Variants in COL24A1 observed in about 807,000 individuals in gnomAD.
COL24A1 encodes the protein collagen alpha-1(XXIV) chain.
In COL24A1, 224 loss-of-function variants were observed where a neutral mutation model predicts 253.9. The observed-to-expected ratio is 0.88, with a 90% CI of 0.79 to 0.99. The LOEUF (loss-of-function observed/expected upper bound fraction) is 0.99, where lower values mean the gene tolerates loss of function less well. Among genes scored for constraint, COL24A1 ranks in the 50% least tolerant of loss-of-function variants. The probability of loss-of-function intolerance (pLI) is 0.00; values close to 1 mark genes in which losing one functional copy is unlikely to be tolerated. For synonymous variants in COL24A1, 685 were observed against 673.7 expected, an observed-to-expected ratio of 1.02 and a Z score of -0.26; for missense variants, 2,131 against 2,068.5, an observed-to-expected ratio of 1.03 and a Z score of -0.59.
At chr1:86,081,987 TATATTC>T (rs1222123532) in intron 7 of COL24A1, among the ~76,000 whole-genome samples, 1 of 152,180 alleles carries the variant, frequency 6.6e-6, no homozygotes, top group Non-Finnish European at 1.5e-5. Flanking sequence ...GGGAAGAACT[TATATTC>T]ATGGGGATAA....
Position 85,971,363 on chromosome 1 carries a change from G to T in COL24A1, c.2395C>A (p.Pro799Thr). 6.2e-7 allele frequency: 1 copy of T among 1,612,616 alleles called. No individual in the cohort carries two copies. ...ACCTGAGTTCCTTTGAGACCAGGAG[G>T]TCCAGGAGGTCCTCTATTTCCAAGG... ...GLLGNRGPPGPPGLKGTQGEE... is the reference protein window; with the variant it reads ...GLLGNRGPPGTPGLKGTQGEE... Residue 799 changes from proline to threonine, a missense_variant, in exon 21 of 60, where the codon CCT becomes ACT. Coordinates refer to ENST00000370571, the MANE Select transcript of COL24A1 (RefSeq NM_152890.7).
intron 10 of COL24A1, among the ~76,000 whole-genome samples, chr1:86,056,867 A>C (rs1204912003): frequency 3.9e-5 from 6 of 152,060 alleles, no homozygotes; most frequent in Admixed American, 1.3e-4. Flanking sequence ...AAAAAAAAAA[A>C]ACACAAAACA....
chr1:86,154,134 C>G (rs915832374), intron 1 of COL24A1: 4 of 152,010 alleles, frequency 2.6e-5, no homozygotes, highest in Non-Finnish European at 5.9e-5. Context: ...CTTCCAAATC[C>G]AGCCCCCCCG....
chr1:86,036,147 T>TTTA (rs1698993179), intron 12 of COL24A1, among the ~76,000 whole-genome samples: 1 of 151,944 alleles, frequency 6.6e-6, no homozygotes, highest in African/African-American at 2.4e-5. Flanking sequence ...TGTATTTTTC[T>TTTA]TTATTATTAT....
At position 85,729,319 on chromosome 1, in the gene COL24A1, C is replaced by A. The variant is rs1270457215; in HGVS notation, c.*1227G>T. ...ATTTATAATGGATGAACAAGCTTTTCTAGATACCAAGAGGTATAATATTTT... is the reference window on the plus strand; with the variant it reads ...ATTTATAATGGATGAACAAGCTTTTATAGATACCAAGAGGTATAATATTTT... On this transcript the variant is annotated 3_prime_UTR_variant, in exon 60 of 60. Transcript: ENST00000370571. 6.6e-6 allele frequency: 1 copy of A among 152,072 alleles called. No individual in the cohort carries two copies. The highest frequency in any genetic ancestry group is 1.5e-5 in the Non-Finnish European group (1 of 68,012). 9.4% of individuals were successfully genotyped at this position (152,072 alleles called of 1,614,324 possible).
intron 19 of COL24A1, among the ~76,000 whole-genome samples, chr1:85,997,017 A>ATG (rs1311098127): frequency 7.6e-6 from 1 of 131,120 alleles, no homozygotes; most frequent in African/African-American, 2.8e-5. Flanking sequence ...TCATATATAT[A>ATG]TGTGTGTGTG....
intron 10 of COL24A1, among the ~76,000 whole-genome samples, chr1:86,056,856 C>CAA (rs369894155): frequency 2.1e-5 from 2 of 96,018 alleles, no homozygotes; most frequent in Admixed American, 1.1e-4. Flanking sequence ...TCTGTCTCAC[C>CAA]AAAAAAAAAA....
chr1:85,787,562 A>G (rs1035065234), intron 47 of COL24A1, among the ~76,000 whole-genome samples: 2 of 152,190 alleles, frequency 1.3e-5, no homozygotes, highest in African/African-American at 4.8e-5. Context: ...TTATGGCTGC[A>G]TAGTATTCCA....
intron 57 of COL24A1, among the ~76,000 whole-genome samples, chr1:85,738,760 C>T (rs914947659): frequency 2.0e-5 from 3 of 152,170 alleles, no homozygotes; most frequent in Non-Finnish European, 4.4e-5. Flanking sequence ...TTTCCTCTAG[C>T]TTCTAAAACA....
chr1:86,101,596 AG>A (rs1477440313), intron 5 of COL24A1, among the ~76,000 whole-genome samples: 9 of 152,166 alleles, frequency 5.9e-5, no homozygotes, highest in Non-Finnish European at 1.3e-4. Flanking sequence ...TTTAACATGA[AG>A]GGGTGTTGAA....
At chr1:86,093,658 G>C (rs1020577905) in intron 5 of COL24A1, among the ~76,000 whole-genome samples, 1 of 152,076 alleles carries the variant, frequency 6.6e-6, no homozygotes. Flanking sequence ...TTAAACCAAA[G>C]AGGTTCTGCA....
At position 85,845,873 on chromosome 1, in the gene COL24A1, T is replaced by C. The variant is rs187386840; in HGVS notation, c.3462+1792A>G. On this transcript the variant is annotated intron_variant, in intron 39 of 59. Transcript: ENST00000370571. ...TGAGTAAATAAAAAGACATATGGTG[T>C]TTATAGAAAGATTCAGCATTGAAGG... 1.6e-4 allele frequency among the ~76,000 whole-genome samples: 24 copies of C among 151,884 alleles called. No homozygotes were observed. In the East Asian group the frequency reaches 4.4e-3, roughly 28 times the overall value.
intron 2 of COL24A1, among the ~76,000 whole-genome samples, chr1:86,137,358 T>G (rs1650408015): frequency 6.6e-6 from 1 of 152,180 alleles, no homozygotes; most frequent in Non-Finnish European, 1.5e-5. Context: ...ACTTTAATAT[T>G]TTAAGTCACA....
chr1:85,730,665 T>C lies in COL24A1; in HGVS notation c.5026A>G (p.Thr1676Ala). 1.2e-6 allele frequency: 2 copies of C among 1,614,046 alleles called. No homozygotes were observed. The highest frequency in any genetic ancestry group is 1.7e-6 in the Non-Finnish European group (2 of 1,179,902). The change falls in exon 60 of 60, where the codon ACA (threonine) becomes GCA (alanine). Residue 1676 changes from threonine (T) to alanine (A), a missense_variant. Thr to Ala is a moderately conservative substitution (Grantham distance 58, BLOSUM62 0). Coordinates refer to ENST00000370571, the MANE Select transcript of COL24A1 (RefSeq NM_152890.7). ...GGTTCCTGGGTGTGAAAAAGAAATGTTGCCTTATGCCAGCTGCCATCTTGA... is the reference window on the plus strand; with the variant it reads ...GGTTCCTGGGTGTGAAAAAGAAATGCTGCCTTATGCCAGCTGCCATCTTGA... ...KIQDGSWHKA[T>A]FLFHTQEPNQ...
intron 47 of COL24A1, among the ~76,000 whole-genome samples, chr1:85,801,231 T>C (rs2101785178): frequency 6.6e-6 from 1 of 152,238 alleles, no homozygotes; most frequent in South Asian, 2.1e-4. Context: ...CAACAAAATT[T>C]GTGTTTGTTT....
At chr1:86,129,808 C>T (rs1047731913) in intron 2 of COL24A1, among the ~76,000 whole-genome samples, 2 of 151,696 alleles carry the variant, frequency 1.3e-5, no homozygotes, top group African/African-American at 4.8e-5. Flanking sequence ...CATAAGTGGT[C>T]AATTTTCAAT....
intron 47 of COL24A1, among the ~76,000 whole-genome samples, chr1:85,811,751 ATCT>A (rs1455698052): frequency 6.6e-6 from 1 of 152,128 alleles, no homozygotes; most frequent in East Asian, 1.9e-4. Flanking sequence ...TCATTTGTAA[ATCT>A]TCTTTGGAGA....
At chr1:85,921,949 TA>T in intron 24 of COL24A1, among the ~76,000 whole-genome samples, 1 of 152,036 alleles carries the variant, frequency 6.6e-6, no homozygotes, top group East Asian at 1.9e-4. Flanking sequence ...CCAACTAGAA[TA>T]AACAATGTAG....
rs1456672065 is a variant in COL24A1 at position 85,935,440 on chromosome 1, A to C, written c.2563-24007T>G. On this transcript the variant is annotated intron_variant, in intron 24 of 59. Coordinates refer to ENST00000370571, the MANE Select transcript of COL24A1 (RefSeq NM_152890.7). ...AGGAATGAACACTTTCTGTTTATTT[A>C]TAAATACATCACTGTTTCCAAATAG... Among the ~76,000 whole-genome samples, 4 of 147,594 alleles carry C rather than the reference A, an allele frequency of 2.7e-5. 1 individual carries two copies. The highest frequency in any genetic ancestry group is 9.9e-5 in the African/African-American group (4 of 40,244).
Sources: gnomAD v4.1 joint callset for allele counts (sites outside exome capture counted in the v4.1 genomes callset) on GRCh38, gnomAD v4.1.1 for gene constraint, MANE v1.5 for transcripts, NCBI Gene and HGNC (gene_info 2026-07-23, HGNC 2026-07-21) for gene names.